The following NPHP4 variants were observed in gnomAD, a reference collection of about 807,000 sequenced individuals.
The protein encoded by NPHP4 is nephrocystin-4.
In NPHP4, 151 loss-of-function variants were observed where a neutral mutation model predicts 155.8. That is an observed-to-expected ratio of 0.97 (90% CI 0.85 to 1.11). The LOEUF is 1.11. Ranked by LOEUF, NPHP4 falls within the 50% of genes least tolerant of loss-of-function variation. The pLI is 0.00. For synonymous variants in NPHP4, 845 were observed against 816.8 expected (o/e 1.03, Z -0.59); for missense variants, 1,956 against 1,925.7 (o/e 1.02, Z -0.29).
intron 3 of NPHP4, among the ~76,000 whole-genome samples, chr1:5,974,658 C>T (rs571893445): frequency 2.2e-4 from 33 of 146,924 alleles, no homozygotes; most frequent in African/African-American, 7.2e-4. Context: ...TGCATATGGG[C>T]CCAGTGCAAA....
intron 2 of NPHP4, among the ~76,000 whole-genome samples, chr1:5,982,839 A>G (rs1654922269): frequency 6.6e-6 from 1 of 152,182 alleles, no homozygotes; most frequent in African/African-American, 2.4e-5. Context: ...TCTAGATCTC[A>G]TATTATTTAT....
At chr1:5,978,169 G>A in intron 3 of NPHP4, 101 bp downstream of exon 3, 1 of 1,095,886 alleles carries the variant, frequency 9.1e-7, no homozygotes, top group Non-Finnish European at 1.3e-6. Flanking sequence ...GACGCGCTGT[G>A]AGGTCTCGGC....
chr1:5,987,918 A>T (rs1046806101), intron 1 of NPHP4, among the ~76,000 whole-genome samples: 1 of 152,244 alleles, frequency 6.6e-6, no homozygotes, highest in Non-Finnish European at 1.5e-5. Flanking sequence ...AAAAATGAGA[A>T]TTAAGAACAT....
rs371472576 is a variant in NPHP4 at position 5,986,284 on chromosome 1, G to A, written c.6C>T (p.Asn2=). The A allele has an allele frequency of 2.0e-5, 32 of 1,613,604 alleles. No individual in the cohort carries two copies. Among genetic ancestry groups the A allele is most frequent in the Middle Eastern group, 1.6e-4 (1 of 6,068 alleles). Residue 2 remains asparagine (N), a synonymous_variant, in exon 2 of 30, where the codon AAC becomes AAT. Transcript: ENST00000378156. M[N]DWHRIFTQNV... Reference sequence around the variant, plus strand: ...TTTGGGTGAAGATCCTGTGCCAGTCGTTCATCCTGCCCGCCTGAGGGTCCC... The same window carrying A: ...TTTGGGTGAAGATCCTGTGCCAGTCATTCATCCTGCCCGCCTGAGGGTCCC...
At chr1:5,959,954 C>T (rs953088995) in intron 6 of NPHP4, among the ~76,000 whole-genome samples, 1 of 152,090 alleles carries the variant, frequency 6.6e-6, no homozygotes, top group Non-Finnish European at 1.5e-5. Flanking sequence ...CACAGTTAGT[C>T]CTGATGATCA....
At chr1:5,951,193 G>A (rs950966530) in intron 7 of NPHP4, among the ~76,000 whole-genome samples, 1 of 152,192 alleles carries the variant, frequency 6.6e-6, no homozygotes, top group Non-Finnish European at 1.5e-5. Context: ...AGGCTCTGAG[G>A]GTGCCTCTGT....
intron 12 of NPHP4, among the ~76,000 whole-genome samples, 179 bp from the exon 13 acceptor site, chr1:5,907,401 T>C (rs1644963229): frequency 6.6e-6 from 1 of 152,198 alleles, no homozygotes; most frequent in Non-Finnish European, 1.5e-5. Flanking sequence ...CTTCTCAAGT[T>C]CCTTTATTTA....
In NPHP4 at chr1:5,880,442, T is replaced by G. The variant is rs1057484305; in HGVS notation, c.2486-203A>C. 1.6e-5 allele frequency: 9 copies of G among 562,058 alleles called. No homozygotes were observed. The African/African-American group carries it at 1.7e-4, about 11-fold the overall frequency. The allele number at this position is 562,058 out of a possible 1,614,324, so 34.8% of individuals were successfully genotyped here. A position where few individuals can be genotyped will look rare whatever the true frequency, so the allele number is the denominator to read the frequency against. On this transcript the variant is annotated intron_variant, in intron 18 of 29. Coordinates refer to ENST00000378156, the MANE Select transcript of NPHP4 (RefSeq NM_015102.5). The stretch of plus-strand genomic sequence containing the variant: ...TCTGCTGCGAACTTTCAGCTAGGTC[T>G]TCATTCTCCTGCCGTGTCAGTGGCA...
At chr1:5,912,932 T>A (rs1557720433) in intron 11 of NPHP4, among the ~76,000 whole-genome samples, 1 of 152,074 alleles carries the variant, frequency 6.6e-6, no homozygotes, top group East Asian at 1.9e-4. Context: ...GGAAATAACC[T>A]GGCGTTAAGA....
chr1:5,967,323 G>A lies in NPHP4; in HGVS notation c.493C>T (p.Pro165Ser), dbSNP rs772978482. 9 of 1,607,310 alleles carry A rather than the reference G, an allele frequency of 5.6e-6. No homozygotes were observed. Among genetic ancestry groups the A allele is most frequent in the Non-Finnish European group, 7.6e-6 (9 of 1,177,464 alleles). The change falls in exon 5 of 30, where the codon CCG becomes TCG. Residue 165 changes from proline (P) to serine (S), a missense_variant. Transcript: ENST00000378156. ...YHGTPRALLH[P>S]LLQDPAEQNR... Reference sequence around the variant, plus strand: ...CGCTCTGCGGGGTCCTGGAGAAGCGGGTGCAGGAGGGCTCTGGGGGTGCCA... The same window carrying A: ...CGCTCTGCGGGGTCCTGGAGAAGCGAGTGCAGGAGGGCTCTGGGGGTGCCA...
At chr1:5,936,881 T>G (rs537536924) in intron 9 of NPHP4, among the ~76,000 whole-genome samples, 2 of 152,314 alleles carry the variant, frequency 1.3e-5, no homozygotes, top group African/African-American at 4.8e-5. Context: ...AGTTACAGTG[T>G]TGTGGGATGA....
At position 5,885,452 on chromosome 1, in the gene NPHP4, C is replaced by T. The variant is rs560649911; in HGVS notation, c.2485+1834G>A. On this transcript the variant is annotated intron_variant, in intron 18 of 29. Transcript: ENST00000378156. ...ATCAAAGAAAGCAATCTGGTGCTTG[C>T]TGTCCCTGGACGACAAAAGCTGACC... is the stretch of plus-strand genomic sequence containing the variant. 2.6e-5 allele frequency among the ~76,000 whole-genome samples: 4 copies of T among 152,374 alleles called. No individual in the cohort carries two copies. The South Asian group carries it at 8.3e-4, about 32-fold the overall frequency.
chr1:5,875,730 G>A (rs1642527238), intron 20 of NPHP4, among the ~76,000 whole-genome samples: 1 of 152,236 alleles, frequency 6.6e-6, no homozygotes, highest in Non-Finnish European at 1.5e-5. Flanking sequence ...ACTAGAGGCT[G>A]CCTTGCAAGA....
rs1647220244 is a variant in NPHP4, at chr1:5,948,189, C to T, written c.873G>A (p.Val291=). Residue 291 remains valine, a synonymous_variant, in exon 8 of 30, where the codon GTG becomes GTA. Transcript: ENST00000378156. ...EILERRLRVG[V]HNGLGFVQRP... ...TCTGCACGAAGCCCAGACCATTGTG[C>T]ACGCCCACACGCAGGCGCCGCTCCA... 2.5e-6 allele frequency: 4 copies of T among 1,610,406 alleles called. No individual in the cohort carries two copies. The highest frequency in any genetic ancestry group is 3.4e-6 in the Non-Finnish European group (4 of 1,179,044).
Position 5,905,048 on chromosome 1 carries a change from A to G in NPHP4, c.1955+244T>C, listed in dbSNP as rs1644847998. On this transcript the variant is annotated intron_variant, in intron 15 of 29. Transcript: ENST00000378156. The surrounding 1 kb of genome is among the most constrained non-coding windows in gnomAD (Gnocchi z 4.0). ...GCCTTTGGAGCTACACTAAGATCTA[A>G]GACCTGGACAACCCACCGTCCACAT... Among the ~76,000 whole-genome samples, 1 of 152,218 alleles carries G rather than the reference A, an allele frequency of 6.6e-6. No homozygotes were observed.
chr1:5,934,215 G>A (rs902980941), intron 9 of NPHP4, among the ~76,000 whole-genome samples: 53 of 152,124 alleles, frequency 3.5e-4, no homozygotes, highest in African/African-American at 1.2e-3. Context: ...CTCCCCTGGT[G>A]GGTGGAGCAC....
intron 9 of NPHP4, among the ~76,000 whole-genome samples, chr1:5,942,088 C>T (rs1183507409): frequency 6.6e-6 from 1 of 152,184 alleles, no homozygotes; most frequent in African/African-American, 2.4e-5. Context: ...CAACCAACCT[C>T]GCCCAGGATG....
chr1:5,949,339 T>TACACACACACACAC (rs1411189925), intron 7 of NPHP4, among the ~76,000 whole-genome samples: 3 of 16,750 alleles, frequency 1.8e-4, no homozygotes, highest in African/African-American at 3.4e-4. Context: ...CTCATTCACA[T>TACACACACACACAC]ACATACACAC....
At chr1:5,870,907 G>A (rs1332038164) in intron 23 of NPHP4, among the ~76,000 whole-genome samples, 1 of 152,226 alleles carries the variant, frequency 6.6e-6, no homozygotes. Context: ...GCTGGTGGGG[G>A]CCACTGGACG....
Sources: gnomAD v4.1 joint callset for allele counts (sites outside exome capture counted in the v4.1 genomes callset) on GRCh38, gnomAD v4.1.1 for gene constraint, Gnocchi (gnomAD v3.1) non-coding constraint, MANE v1.5 for transcripts, NCBI Gene and HGNC (gene_info 2026-07-23, HGNC 2026-07-21) for gene names.